The following WWC2 variants were observed in gnomAD, a reference collection of about 807,000 sequenced individuals.
WWC2 encodes protein WWC2.
In WWC2, 101 loss-of-function variants were observed where a neutral mutation model predicts 138.5. The ratio of observed to expected loss-of-function variants is 0.73; its 90% CI spans 0.62 to 0.86. WWC2 has a LOEUF of 0.86. WWC2 is among the 40% of genes least tolerant of loss of function. The pLI, the probability that WWC2 is intolerant of heterozygous loss-of-function variation, is 0.00. For synonymous variants in WWC2, 558 were observed against 538.4 expected (o/e 1.04, Z -0.50); for missense variants, 1,420 against 1,419.4 (o/e 1.00, Z -0.01).
chr4:183,151,683 T>G (rs953086010), intron 1 of WWC2, among the ~76,000 whole-genome samples: 2 of 152,242 alleles, frequency 1.3e-5, no homozygotes, highest in Non-Finnish European at 2.9e-5. Context: ...GTCTAACATT[T>G]AAGTCTTTAA....
At chr4:183,244,281 G>C (rs952654708) in intron 5 of WWC2, among the ~76,000 whole-genome samples, 1 of 152,136 alleles carries the variant, frequency 6.6e-6, no homozygotes, top group Non-Finnish European at 1.5e-5. Flanking sequence ...TGATCATGAA[G>C]AGTACATGAA....
chr4:183,276,513 A>G (rs1308820747), intron 16 of WWC2, among the ~76,000 whole-genome samples: 8 of 152,080 alleles, frequency 5.3e-5, no homozygotes, highest in African/African-American at 1.9e-4. Context: ...AAAAACTACC[A>G]TGAATTCCTT....
intron 21 of WWC2, among the ~76,000 whole-genome samples, chr4:183,310,246 C>T (rs533269190): frequency 6.6e-6 from 1 of 152,198 alleles, no homozygotes; most frequent in African/African-American, 2.4e-5. Flanking sequence ...CTGATTGTAA[C>T]AAACGTACAC....
chr4:183,119,413 G>A (rs1732529344), intron 1 of WWC2, among the ~76,000 whole-genome samples: 2 of 151,980 alleles, frequency 1.3e-5, no homozygotes, highest in Admixed American at 6.6e-5. Flanking sequence ...CTGCATCCTC[G>A]CCTCTTCTTC....
chr4:183,145,294 C>T (rs766142742), intron 1 of WWC2, among the ~76,000 whole-genome samples: 1 of 151,956 alleles, frequency 6.6e-6, no homozygotes, highest in Non-Finnish European at 1.5e-5. Flanking sequence ...AAAGAATATT[C>T]CTGGCAATAT....
chr4:183,191,665 T>TA (rs1443474181), intron 1 of WWC2, among the ~76,000 whole-genome samples: 21 of 152,338 alleles, frequency 1.4e-4, no homozygotes, highest in African/African-American at 5.1e-4. Context: ...TGCTGGGACT[T>TA]AGAGTTTCTG....
chr4:183,131,644 A>G (rs74328829), intron 1 of WWC2, among the ~76,000 whole-genome samples: 2,734 of 152,178 alleles, frequency 0.018, 82 homozygotes, highest in African/African-American at 0.061. Flanking sequence ...TTGTTTTTTA[A>G]CTGTCTTTGT....
rs537121096 is a variant in WWC2, at chr4:183,227,397, T to G, written c.523-12786T>G. On this transcript the variant is annotated intron_variant, in intron 4 of 22. Coordinates refer to ENST00000403733, the MANE Select transcript of WWC2 (RefSeq NM_024949.6). ...AACTAGTGCTTTCAGTAGGAAAGTA[T>G]GAACGCATAGCCCAAATCACAGATG... Among the ~76,000 whole-genome samples the G allele has an allele frequency of 4.6e-5, 7 of 152,166 alleles. No individual in the cohort carries two copies. The South Asian group carries it at 1.5e-3, about 32-fold the overall frequency.
At chr4:183,241,321 C>T (rs1736614941) in intron 5 of WWC2, among the ~76,000 whole-genome samples, 3 of 152,192 alleles carry the variant, frequency 2.0e-5, no homozygotes, top group Admixed American at 2.0e-4. Flanking sequence ...TTGGGATGCT[C>T]CAAGCAGCAA....
At chr4:183,164,311 T>TG (rs1561443742) in intron 1 of WWC2, among the ~76,000 whole-genome samples, 2 of 594 alleles carry the variant, frequency 3.4e-3, no homozygotes, top group African/African-American at 3.1e-3. Flanking sequence ...CATATATATA[T>TG]TATATATACA....
At chr4:183,155,221 A>AGAGAGAGAGAGAGAGAGT (rs61543148) in intron 1 of WWC2, among the ~76,000 whole-genome samples, 144 of 135,250 alleles carry the variant, frequency 1.1e-3, no homozygotes, top group Middle Eastern at 3.7e-3. Context: ...AGAGAGAGAG[A>AGAGAGAGAGAGAGAGAGT]GAGTTAGTTG....
chr4:183,303,623 G>A (rs530689071), intron 21 of WWC2, among the ~76,000 whole-genome samples: 7 of 152,114 alleles, frequency 4.6e-5, no homozygotes, highest in Admixed American at 2.0e-4. Flanking sequence ...CTATTTCACC[G>A]TTTGTTTACA....
intron 4 of WWC2, among the ~76,000 whole-genome samples, chr4:183,238,026 C>G (rs932545194): frequency 2.6e-5 from 4 of 152,130 alleles, no homozygotes; most frequent in Admixed American, 1.3e-4. Context: ...TCTCGTGCAC[C>G]TAAAATAATA....
chr4:183,319,238 C>A lies in WWC2; in HGVS notation c.*3509C>A. The A allele has an allele frequency of 4.6e-6, 1 of 219,420 alleles. No homozygotes were observed. Among genetic ancestry groups the A allele is most frequent in the East Asian group, 9.8e-5 (1 of 10,164 alleles). 13.6% of individuals were successfully genotyped at this position (219,420 alleles called of 1,614,324 possible). A position where few individuals can be genotyped will look rare whatever the true frequency, so the allele number is the denominator to read the frequency against. On this transcript the variant is annotated 3_prime_UTR_variant, in exon 23 of 23. Coordinates refer to ENST00000403733, the MANE Select transcript of WWC2 (RefSeq NM_024949.6). ...GTAAATGATTTGCCAAATGATTCCG[C>A]TCCATATGAATAATACCTTCAAAGA...
rs553136236 is a variant in WWC2 at position 183,316,403 on chromosome 4, T to C, written c.*674T>C. 6.6e-6 allele frequency: 1 copy of C among 152,356 alleles called. No individual in the cohort carries two copies. The highest frequency in any genetic ancestry group is 6.5e-5 in the Admixed American group (1 of 15,304). The allele number at this position is 152,356 out of a possible 1,614,324, so 9.4% of individuals were successfully genotyped here. On this transcript the variant is annotated 3_prime_UTR_variant, in exon 23 of 23. Coordinates refer to ENST00000403733, the MANE Select transcript of WWC2 (RefSeq NM_024949.6). ...ATAAGAATACAAAGGAGCACTACTC[T>C]TGGCTACACGAAAGATCTTGGGATT...
chr4:183,205,921 A>G (rs1235188916), intron 2 of WWC2, among the ~76,000 whole-genome samples: 1 of 152,122 alleles, frequency 6.6e-6, no homozygotes, highest in Non-Finnish European at 1.5e-5. Context: ...TCATCTCAGC[A>G]TTCACTCACA....
At chr4:183,126,932 TC>T (rs1240279211) in intron 1 of WWC2, among the ~76,000 whole-genome samples, 1 of 148,466 alleles carries the variant, frequency 6.7e-6, no homozygotes. Flanking sequence ...AGATAGAGTC[TC>T]ACTGTATTGC....
intron 4 of WWC2, among the ~76,000 whole-genome samples, chr4:183,234,930 A>C (rs570583262): frequency 1.3e-5 from 2 of 152,340 alleles, no homozygotes; most frequent in Admixed American, 6.5e-5. Flanking sequence ...AGAGAACAGA[A>C]GAGTGAAAAC....
At chr4:183,206,646 A>G (rs1244968276) in intron 2 of WWC2, among the ~76,000 whole-genome samples, 1 of 152,196 alleles carries the variant, frequency 6.6e-6, no homozygotes, top group Non-Finnish European at 1.5e-5. Flanking sequence ...ACTCTGTCCC[A>G]TTCTCAACCC....
Sources: allele counts gnomAD v4.1 joint callset (sites outside exome capture counted in the v4.1 genomes callset), GRCh38; gene constraint gnomAD v4.1.1; transcripts MANE v1.5; gene names NCBI Gene and HGNC (gene_info 2026-07-23, HGNC 2026-07-21).